The following DOCK1 variants were observed in gnomAD, a reference collection of about 807,000 sequenced individuals.
DOCK1 encodes dedicator of cytokinesis 1.
In DOCK1, 138 loss-of-function variants were observed where a neutral mutation model predicts 262.7. That is an observed-to-expected ratio of 0.53 (90% confidence interval 0.46 to 0.61). DOCK1 has a LOEUF of 0.61. Among genes scored for constraint, DOCK1 ranks in the 20% least tolerant of loss-of-function variants. The pLI is 0.00. For missense variants in DOCK1, 1,908 were observed against 2,370.7 expected, an observed-to-expected ratio of 0.80 and a Z score of 4.05; for synonymous variants, 866 against 867.4, an observed-to-expected ratio of 1.00 and a Z score of 0.03.
At position 127,000,287 on chromosome 10, in the gene DOCK1, G is replaced by A; in HGVS notation, c.965G>A (p.Arg322Gln). 1 of 1,613,966 alleles carries A rather than the reference G, an allele frequency of 6.2e-7. No individual in the cohort carries two copies. The highest frequency in any genetic ancestry group is 8.5e-7 in the Non-Finnish European group (1 of 1,179,858). Reference sequence around the variant, plus strand: ...ACCAGGAAACTGACCTCGGGGTTGCGGCGACCTTTTGGAGTGGCTGGTAAT... The same window carrying A: ...ACCAGGAAACTGACCTCGGGGTTGCAGCGACCTTTTGGAGTGGCTGGTAAT... ...NNTRKLTSGL[R>Q]RPFGVAVMDV... Residue 322 changes from arginine (R) to glutamine (Q), a missense_variant, in exon 10 of 52, where the codon CGG becomes CAG. By Grantham distance (43) the Arg-to-Gln change is conservative. This residue lies in a region of DOCK1 where 102 missense variants were observed against 154.9 expected (regional missense o/e 0.66). Transcript: ENST00000623213.
Position 127,059,983 on chromosome 10 carries a change from T to C in DOCK1, c.2337-1685T>C, listed in dbSNP as rs573492594. Among the ~76,000 whole-genome samples, 15 of 152,298 alleles carry C rather than the reference T, an allele frequency of 9.8e-5. No homozygotes were observed. In the East Asian group the frequency reaches 2.1e-3, roughly 22 times the overall value. On this transcript the variant is annotated intron_variant, in intron 22 of 51. Coordinates refer to ENST00000623213, the MANE Select transcript of DOCK1 (RefSeq NM_001290223.2). ...TGACCATCTTATTTTAATCAGAGAC[T>C]GTGCTCAGTTTTGAGGCTACACTGG...
chr10:126,947,306 T>G (rs1006524113), intron 1 of DOCK1, among the ~76,000 whole-genome samples: 6 of 101,640 alleles, frequency 5.9e-5, no homozygotes, highest in Admixed American at 4.8e-4. Context: ...AGTATTACTG[T>G]TGGTGGTGAT....
chr10:127,296,758 T>C (rs904816674), intron 29 of DOCK1, among the ~76,000 whole-genome samples: 2 of 152,068 alleles, frequency 1.3e-5, no homozygotes, highest in African/African-American at 4.8e-5. Context: ...TGGCTTTTTG[T>C]GGCATGCATG....
intron 38 of DOCK1, among the ~76,000 whole-genome samples, chr10:127,393,280 G>A (rs1487956511): frequency 1.3e-5 from 2 of 152,194 alleles, no homozygotes; most frequent in African/African-American, 4.8e-5. Context: ...TGGAAGCCAG[G>A]TGGGACGTCA....
chr10:127,047,976 T>G (rs960422529), intron 21 of DOCK1, among the ~76,000 whole-genome samples: 1 of 152,240 alleles, frequency 6.6e-6, no homozygotes, highest in Non-Finnish European at 1.5e-5. Context: ...GCGATGAATA[T>G]TCTTGTCCAA....
At chr10:127,402,786 G>A (rs1008698723) in intron 38 of DOCK1, 3 of 594,316 alleles carry the variant, frequency 5.0e-6, no homozygotes, top group Non-Finnish European at 9.7e-6. Context: ...GGAGCAGTGA[G>A]GACTGGCTGA....
chr10:127,381,749 C>A (rs896215721), intron 37 of DOCK1, among the ~76,000 whole-genome samples: 2 of 152,150 alleles, frequency 1.3e-5, no homozygotes, highest in African/African-American at 4.8e-5. Flanking sequence ...ATGAGACATA[C>A]CCCTAATTGT....
chr10:127,024,241 C>G (rs2042661851), intron 14 of DOCK1, among the ~76,000 whole-genome samples: 1 of 152,184 alleles, frequency 6.6e-6, no homozygotes, highest in South Asian at 2.1e-4. Flanking sequence ...CCTGCCTCGT[C>G]TCCCTGGAAA....
chr10:127,285,802 G>C (rs1395733917), intron 29 of DOCK1, among the ~76,000 whole-genome samples: 1 of 152,224 alleles, frequency 6.6e-6, no homozygotes, highest in African/African-American at 2.4e-5. Flanking sequence ...TAACCCTCCT[G>C]CTTGACGACC....
intron 1 of DOCK1, among the ~76,000 whole-genome samples, chr10:126,960,337 G>A (rs1205104440): frequency 1.3e-5 from 2 of 151,958 alleles, no homozygotes; most frequent in African/African-American, 4.8e-5. Context: ...GGCACAGGAG[G>A]CTAGAGGAGG....
At chr10:127,122,271 G>T (rs1012715068) in intron 25 of DOCK1, among the ~76,000 whole-genome samples, 2 of 152,160 alleles carry the variant, frequency 1.3e-5, no homozygotes, top group African/African-American at 2.4e-5. Context: ...GTACTGTAAG[G>T]TGCCATAGCC....
intron 29 of DOCK1, among the ~76,000 whole-genome samples, chr10:127,293,543 G>A (rs2061412654): frequency 6.6e-6 from 1 of 152,176 alleles, no homozygotes; most frequent in South Asian, 2.1e-4. Flanking sequence ...TTGCCATTGA[G>A]GTGGATGGAG....
intron 27 of DOCK1, among the ~76,000 whole-genome samples, chr10:127,149,795 A>G (rs995949497): frequency 1.3e-5 from 2 of 152,144 alleles, no homozygotes; most frequent in African/African-American, 4.8e-5. Flanking sequence ...ACATTTTAAG[A>G]TTTATTTTGA....
chr10:126,949,481 C>T (rs1168550400), intron 1 of DOCK1, among the ~76,000 whole-genome samples: 1 of 152,132 alleles, frequency 6.6e-6, no homozygotes, highest in East Asian at 1.9e-4. Flanking sequence ...AGGGTTGGTC[C>T]TATGATGAGA....
chr10:127,338,260 G>A (rs545186170), intron 29 of DOCK1, among the ~76,000 whole-genome samples: 10 of 152,282 alleles, frequency 6.6e-5, no homozygotes, highest in African/African-American at 1.7e-4. Context: ...ACTTTCAAGC[G>A]TTATAAAACA....
At chr10:127,222,374 C>G (rs555720632) in intron 27 of DOCK1, among the ~76,000 whole-genome samples, 2 of 152,314 alleles carry the variant, frequency 1.3e-5, no homozygotes, top group African/African-American at 2.4e-5. Context: ...CTTACTCTCT[C>G]TCTCTCAATA....
intron 8 of DOCK1, 95 bp from the exon 9 acceptor site, chr10:126,999,259 C>A: frequency 3.4e-6 from 3 of 883,744 alleles, no homozygotes; most frequent in South Asian, 1.5e-5. Context: ...CTGTATAGTG[C>A]ACGTACATGG....
chr10:127,386,422 CTG>C (rs1430915173), intron 38 of DOCK1, among the ~76,000 whole-genome samples: 1 of 151,986 alleles, frequency 6.6e-6, no homozygotes, highest in Non-Finnish European at 1.5e-5. Context: ...AAAGCTTCAT[CTG>C]TGTTTACAGC....
chr10:127,092,958 A>G (rs2047631863), intron 23 of DOCK1, among the ~76,000 whole-genome samples: 1 of 152,078 alleles, frequency 6.6e-6, no homozygotes, highest in Non-Finnish European at 1.5e-5. Context: ...GGGGCTTCAA[A>G]CAACATCAGT....
Sources: allele counts gnomAD v4.1 joint callset (sites outside exome capture counted in the v4.1 genomes callset), GRCh38; gene constraint gnomAD v4.1.1; regional missense constraint gnomAD v4.1.1; transcripts MANE v1.5; gene names NCBI Gene and HGNC (gene_info 2026-07-23, HGNC 2026-07-21).